Variants in FRMPD2 observed in about 807,000 individuals in gnomAD.
The protein encoded by FRMPD2 is FERM and PDZ domain-containing protein 2.
FRMPD2 carries 96 observed loss-of-function variants against 140.1 expected under a neutral mutation model. That is an observed-to-expected ratio of 0.69 (90% confidence interval 0.58 to 0.81). The LOEUF (loss-of-function observed/expected upper bound fraction) is 0.81. FRMPD2 is among the 40% of genes least tolerant of loss of function. FRMPD2 has a pLI of 0.00. For synonymous variants in FRMPD2, 449 were observed against 547.6 expected (o/e 0.82, Z 2.52); for missense variants, 1,240 against 1,447.4 (o/e 0.86, Z 2.32).
At chr10:48,185,006 T>C (rs1393161393) in intron 18 of FRMPD2, 125 bp from the exon 19 acceptor site, 4 of 645,724 alleles carry the variant, frequency 6.2e-6, no homozygotes, top group Non-Finnish European at 8.1e-6. Flanking sequence ...TACAGTCAGG[T>C]CTTCTGATCC....
intron 28 of FRMPD2, among the ~76,000 whole-genome samples, chr10:48,160,163 A>T (rs1837895653): frequency 6.6e-6 from 1 of 151,702 alleles, no homozygotes; most frequent in African/African-American, 2.4e-5. Flanking sequence ...TCCCTCTGAT[A>T]GGCACGTAAT....
intron 12 of FRMPD2, among the ~76,000 whole-genome samples, chr10:48,213,244 C>G (rs770504271): frequency 6.6e-6 from 1 of 152,210 alleles, no homozygotes; most frequent in South Asian, 2.1e-4. Context: ...CCACCACAAA[C>G]AGAGAGATAT....
intron 14 of FRMPD2, among the ~76,000 whole-genome samples, chr10:48,204,994 G>A (rs1015117223): frequency 6.6e-6 from 1 of 152,160 alleles, no homozygotes; most frequent in Non-Finnish European, 1.5e-5. Flanking sequence ...CAAGATGAAC[G>A]ATCTGTAATT....
chr10:48,268,069 G>A (rs562423829), intron 1 of FRMPD2, among the ~76,000 whole-genome samples: 68 of 152,258 alleles, frequency 4.5e-4, no homozygotes, highest in African/African-American at 1.4e-3. Flanking sequence ...AGAAAAATGA[G>A]CAAATGGCAT....
At chr10:48,226,650 C>T (rs1002369589) in intron 10 of FRMPD2, among the ~76,000 whole-genome samples, 9 of 152,354 alleles carry the variant, frequency 5.9e-5, no homozygotes, top group Middle Eastern at 3.4e-3. Context: ...ACATCCTTAT[C>T]TTCAAGGACA....
chr10:48,228,026 A>G (rs1431971186), intron 10 of FRMPD2, among the ~76,000 whole-genome samples: 1 of 152,214 alleles, frequency 6.6e-6, no homozygotes, highest in East Asian at 1.9e-4. Context: ...AATAAAACAT[A>G]CAGTAAAAAT....
chr10:48,216,151 C>T (rs7080982), intron 12 of FRMPD2, among the ~76,000 whole-genome samples: 1 of 152,204 alleles, frequency 6.6e-6, no homozygotes, highest in Non-Finnish European at 1.5e-5. Flanking sequence ...GCTAACTACA[C>T]AGCTTGAGGC....
intron 11 of FRMPD2, among the ~76,000 whole-genome samples, chr10:48,222,811 T>A (rs997632448): frequency 4.6e-5 from 7 of 152,294 alleles, no homozygotes; most frequent in African/African-American, 1.7e-4. Flanking sequence ...CCCTCATGAC[T>A]GGGCTGCTGA....
chr10:48,246,504 G>C (rs772062543), intron 3 of FRMPD2, among the ~76,000 whole-genome samples: 9 of 152,256 alleles, frequency 5.9e-5, no homozygotes, highest in Non-Finnish European at 1.3e-4. Context: ...CACCATGTTT[G>C]ATTGGTGATG....
intron 16 of FRMPD2, among the ~76,000 whole-genome samples, chr10:48,188,125 G>T (rs867334484): frequency 6.6e-6 from 1 of 152,214 alleles, no homozygotes; most frequent in Non-Finnish European, 1.5e-5. Flanking sequence ...CATCTGAGCA[G>T]ATTCCGCTTC....
At chr10:48,245,149 C>T (rs1324631823) in intron 3 of FRMPD2, among the ~76,000 whole-genome samples, 1 of 152,328 alleles carries the variant, frequency 6.6e-6, no homozygotes, top group African/African-American at 2.4e-5. Flanking sequence ...TGGCCCCACA[C>T]TTTCCCCTTT....
At chr10:48,232,566 T>C (rs1181866936) in intron 9 of FRMPD2, among the ~76,000 whole-genome samples, 1 of 152,156 alleles carries the variant, frequency 6.6e-6, no homozygotes, top group African/African-American at 2.4e-5. Flanking sequence ...CTGGGAGGCC[T>C]GTCTGACTGA....
chr10:48,225,363 CA>C (rs1839698880), intron 10 of FRMPD2, among the ~76,000 whole-genome samples: 1 of 152,220 alleles, frequency 6.6e-6, no homozygotes, highest in African/African-American at 2.4e-5. Context: ...CAGCTTGCTA[CA>C]TGAGTCACAC....
chr10:48,244,228 C>G (rs166816), intron 4 of FRMPD2, among the ~76,000 whole-genome samples: 38,403 of 152,170 alleles, frequency 0.25, 6,692 homozygotes, highest in African/African-American at 0.5. Context: ...CAAGTGGTCT[C>G]CCCACCTCAG....
intron 12 of FRMPD2, among the ~76,000 whole-genome samples, chr10:48,213,078 G>C (rs772512259): frequency 5.3e-5 from 8 of 152,162 alleles, no homozygotes; most frequent in Non-Finnish European, 1.0e-4. Context: ...TGGCCTCACT[G>C]GGGCTGGGGG....
At chr10:48,181,320 T>G (rs572686981) in intron 20 of FRMPD2, among the ~76,000 whole-genome samples, 1 of 152,268 alleles carries the variant, frequency 6.6e-6, no homozygotes, top group Non-Finnish European at 1.5e-5. Flanking sequence ...GATATACATA[T>G]AGGAAGATAT....
chr10:48,257,538 A>G (rs1380663567), intron 1 of FRMPD2, among the ~76,000 whole-genome samples: 2 of 152,098 alleles, frequency 1.3e-5, no homozygotes, highest in Non-Finnish European at 2.9e-5. Context: ...CCTCAGCCTC[A>G]CAAAGTGCTG....
In FRMPD2 at chr10:48,242,480, C is replaced by T. The variant is rs1005246857; in HGVS notation, c.376-128G>A. ...CCACAAGCACCAGAGCAGATGCCTG[C>T]CCCTTCTGGAGAGTTTAAGGACAGA... On this transcript the variant is annotated intron_variant, in intron 4 of 28. Transcript: ENST00000374201. 24 of 726,052 alleles carry T rather than the reference C, an allele frequency of 3.3e-5. No individual in the cohort carries two copies. The South Asian group carries it at 3.4e-4, about 10-fold the overall frequency. The allele number at this position is 726,052 out of a possible 1,614,324, so 45.0% of individuals were successfully genotyped here.
At chr10:48,216,218 AG>A (rs1180517118) in intron 12 of FRMPD2, among the ~76,000 whole-genome samples, 1 of 152,200 alleles carries the variant, frequency 6.6e-6, no homozygotes, top group African/African-American at 2.4e-5. Context: ...CTAGATAGAC[AG>A]ACAGAAAGAC....
Sources: allele counts gnomAD v4.1 joint callset (sites outside exome capture counted in the v4.1 genomes callset), GRCh38; gene constraint gnomAD v4.1.1; transcripts MANE v1.5; gene names NCBI Gene and HGNC (gene_info 2026-07-23, HGNC 2026-07-21).